The following SH3BP1 variants were observed in gnomAD, a reference collection of about 807,000 sequenced individuals.
The protein encoded by SH3BP1 is SH3 domain binding protein 1.
SH3BP1 carries 46 observed loss-of-function variants against 69.8 expected under a neutral mutation model. The observed-to-expected ratio is 0.66, with a 90% CI of 0.52 to 0.84. The LOEUF (loss-of-function observed/expected upper bound fraction) is 0.84. SH3BP1 is among the 40% of genes least tolerant of loss of function. SH3BP1 has a pLI of 0.00. For synonymous variants in SH3BP1, 403 were observed against 378.0 expected (o/e 1.07, Z -0.77); for missense variants, 868 against 930.9 (o/e 0.93, Z 0.88).
In SH3BP1 at chr22:37,655,993, C is replaced by T. The variant is rs1049035707; in HGVS notation, c.*309C>T. Reference sequence around the variant, plus strand: ...CCTACGGGACTGATTCTTCTCTTGCCGACATGTTTTTTGTAAGGCTGGTAA... The same window carrying T: ...CCTACGGGACTGATTCTTCTCTTGCTGACATGTTTTTTGTAAGGCTGGTAA... On this transcript the variant is annotated 3_prime_UTR_variant, in exon 18 of 18. Coordinates refer to ENST00000649765, the MANE Select transcript of SH3BP1 (RefSeq NM_018957.6). 5.2e-5 allele frequency: 78 copies of T among 1,487,398 alleles called. No individual in the cohort carries two copies. The highest frequency in any genetic ancestry group is 6.5e-5 in the Non-Finnish European group (72 of 1,109,702). The allele number at this position is 1,487,398 out of a possible 1,614,324, so 92.1% of individuals were successfully genotyped here.
At chr22:37,645,248 T>G in intron 9 of SH3BP1, 117 bp from the exon 10 acceptor site, 1 of 1,288,000 alleles carries the variant, frequency 7.8e-7, no homozygotes, top group Non-Finnish European at 1.1e-6. Context: ...ATTTCAGATG[T>G]GTGCCTGGAC....
rs758262077 is a variant in SH3BP1 at position 37,647,456 on chromosome 22, G to C, written c.1134G>C (p.Gly378=). The C allele has an allele frequency of 6.2e-7, 1 of 1,611,608 alleles. No homozygotes were observed. Among genetic ancestry groups the C allele is most frequent in the Non-Finnish European group, 8.5e-7 (1 of 1,179,550 alleles). The part of the protein sequence containing the change: ...WMRAASLKEP[G]ARLQALQEVC... ...TCCCCCCCAGCCTGAAGGAGCCAGG[G>C]GCCCGGCTGCAGGCCCTCCAAGAGG... The change falls in exon 13 of 18, where the codon GGG becomes GGC. Residue 378 remains glycine (G), a synonymous_variant. Coordinates refer to ENST00000649765, the MANE Select transcript of SH3BP1 (RefSeq NM_018957.6).
chr22:37,639,890 C>T lies in SH3BP1; in HGVS notation c.59+44C>T, dbSNP rs746062600. 3.7e-6 allele frequency: 5 copies of T among 1,339,482 alleles called. No individual in the cohort carries two copies. In the Admixed American group the frequency reaches 1.1e-4, roughly 30 times the overall value. 83.0% of individuals were successfully genotyped at this position (1,339,482 alleles called of 1,614,324 possible). On this transcript the variant is annotated intron_variant, in intron 1 of 17. Coordinates refer to ENST00000649765, the MANE Select transcript of SH3BP1 (RefSeq NM_018957.6). Reference sequence around the variant, plus strand: ...CAGCCCCACTCTTACCCCGGCAGGACTTGAGGGGTCGTAAAAGGGTCGGGG... The same window carrying T: ...CAGCCCCACTCTTACCCCGGCAGGATTTGAGGGGTCGTAAAAGGGTCGGGG...
At chr22:37,654,629 G>A (rs1932966285) in intron 17 of SH3BP1, among the ~76,000 whole-genome samples, 1 of 152,036 alleles carries the variant, frequency 6.6e-6, no homozygotes, top group Admixed American at 6.6e-5. Context: ...GCAGGGGTGG[G>A]AAGAAACCAG....
Position 37,646,906 on chromosome 22 carries a change from G to A in SH3BP1, c.1013G>A (p.Cys338Tyr), listed in dbSNP as rs1315146100. Residue 338 changes from cysteine to tyrosine, a missense_variant, in exon 11 of 18, where the codon TGC (cysteine) becomes TAC (tyrosine). Cys to Tyr is a radical substitution (Grantham distance 194). Around this residue, in one of 3 missense-constraint regions of SH3BP1, gnomAD observed 387 missense variants for 447.9 expected, o/e 0.86. Coordinates refer to ENST00000649765, the MANE Select transcript of SH3BP1 (RefSeq NM_018957.6). ...ASDPHSLEEF[C>Y]SDPHAVAGAL... ...GACCCCCACAGCCTGGAGGAGTTCT[G>A]CTCCGACCCGCACGCTGTGGCAGGT... is the stretch of plus-strand genomic sequence containing the variant. The A allele has an allele frequency of 1.3e-6, 2 of 1,558,716 alleles. No individual in the cohort carries two copies. Among genetic ancestry groups the A allele is most frequent in the African/African-American group, 2.7e-5 (2 of 74,266 alleles).
intron 1 of SH3BP1, 28 bp from the exon 2 acceptor site, chr22:37,641,098 T>TCCCCCCCC (rs751968178): frequency 9.5e-6 from 9 of 947,984 alleles, no homozygotes; most frequent in African/African-American, 6.3e-5. Context: ...AGAAGCACTC[T>TCCCCCCCC]CCCCCCCCCC....
intron 10 of SH3BP1, 54 bp from the exon 11 acceptor site, chr22:37,646,764 T>C (rs1932791624): frequency 1.8e-6 from 2 of 1,125,358 alleles, no homozygotes; most frequent in Middle Eastern, 2.0e-4. Flanking sequence ...TGCGCCAGGG[T>C]GTCCTGCCCT....
chr22:37,643,714 A>G lies in SH3BP1; in HGVS notation c.544A>G (p.Thr182Ala). 6.2e-7 allele frequency: 1 copy of G among 1,614,094 alleles called. No individual in the cohort carries two copies. Among genetic ancestry groups the G allele is most frequent in the Non-Finnish European group, 8.5e-7 (1 of 1,180,030 alleles). Residue 182 changes from threonine (T) to alanine (A), a missense_variant, in exon 7 of 18, where the codon ACG becomes GCG. Physicochemically the swap from Thr to Ala is moderately conservative, Grantham distance 58 (BLOSUM62 0). Transcript: ENST00000649765. The part of the protein sequence containing the change: ...LGGSPGSHSH[T>A]TMANKVETLK... ...AGGCAGCCCGGGTAGTCACAGCCAT[A>G]CGACCATGGCCAACAAGGTGGAGAC...
intron 16 of SH3BP1, among the ~76,000 whole-genome samples, chr22:37,652,229 G>C (rs538211818): frequency 6.6e-6 from 1 of 151,316 alleles, no homozygotes; most frequent in East Asian, 2.0e-4. Flanking sequence ...AGAATGGTGT[G>C]AACCCAGGAG....
rs1299784026 is a variant in SH3BP1, at chr22:37,642,589, G to C, written c.258G>C (p.Lys86Asn). 1 of 1,613,294 alleles carries C rather than the reference G, an allele frequency of 6.2e-7. No homozygotes were observed. The highest frequency in any genetic ancestry group is 8.5e-7 in the Non-Finnish European group (1 of 1,180,014). Residue 86 changes from lysine to asparagine, a missense_variant, in exon 4 of 18, where the codon AAG becomes AAC. Physicochemically the swap from Lys to Asn is moderately conservative, Grantham distance 94. This residue lies in a region of SH3BP1 where 387 missense variants were observed against 447.9 expected (regional missense o/e 0.86). Transcript: ENST00000649765. The stretch of plus-strand genomic sequence containing the variant: ...CCACCACGATGGCTGAGAGCTTCAA[G>C]GAGCTGGACCCTGATTCCAGCATGG... ...ALSTTMAESFKELDPDSSMGK... is the reference protein window; with the variant it reads ...ALSTTMAESFNELDPDSSMGK...
chr22:37,651,669 G>A (rs1031923813), intron 16 of SH3BP1, among the ~76,000 whole-genome samples: 7 of 151,992 alleles, frequency 4.6e-5, no homozygotes, highest in Non-Finnish European at 8.8e-5. Context: ...GAAGGGCTTC[G>A]TGGTACCGTG....
chr22:37,642,251 GC>G, intron 3 of SH3BP1: 1 of 444,744 alleles, frequency 2.2e-6, no homozygotes, highest in Admixed American at 3.4e-5. Flanking sequence ...CAAGCTCCCT[GC>G]CCTCCCTGCA....
intron 13 of SH3BP1, 55 bp downstream of exon 13, chr22:37,647,576 CA>C (rs1156866971): frequency 2.1e-6 from 3 of 1,436,706 alleles, no homozygotes; most frequent in Non-Finnish European, 2.8e-6. Flanking sequence ...CAGCTGAGGT[CA>C]CGGACCCTGG....
At chr22:37,646,581 T>C (rs1932788823) in intron 10 of SH3BP1, among the ~76,000 whole-genome samples, 2 of 152,112 alleles carry the variant, frequency 1.3e-5, no homozygotes, top group African/African-American at 4.8e-5. Context: ...TGACTGGGCT[T>C]CCATTTCCCC....
intron 16 of SH3BP1, among the ~76,000 whole-genome samples, chr22:37,652,309 CAAA>C (rs138706015): frequency 4.3e-5 from 3 of 69,128 alleles, no homozygotes; most frequent in Non-Finnish European, 3.3e-5. Flanking sequence ...GACTCCGTCT[CAAA>C]AAAAAAAAAA....
chr22:37,648,398 C>T lies in SH3BP1; in HGVS notation c.1279C>T (p.Leu427=). ...GACACCCAGCAACATCGCCATAGTC[C>T]TGGGACCCAACTTGCTGTGGCCACC... ...KMTPSNIAIV[L]GPNLLWPPEK... is the part of the protein sequence containing the mutation. The change falls in exon 14 of 18, where the codon CTG becomes TTG. Residue 427 remains leucine, a synonymous_variant. Transcript: ENST00000649765. The T allele has an allele frequency of 6.4e-7, 1 of 1,568,600 alleles. No individual in the cohort carries two copies.
Position 37,644,725 on chromosome 22 carries a change from C to A in SH3BP1, c.687+20C>A. On this transcript the variant is annotated intron_variant, in intron 8 of 17. Transcript: ENST00000649765. The stretch of plus-strand genomic sequence containing the variant: ...ATTCGTGTGAGTCCAAGACCGGGCC[C>A]CAGCCATCCAGAGTTCAGGGGCTGA... The A allele has an allele frequency of 6.2e-7, 1 of 1,614,042 alleles. No individual in the cohort carries two copies. Among genetic ancestry groups the A allele is most frequent in the Non-Finnish European group, 8.5e-7 (1 of 1,179,860 alleles).
chr22:37,643,085 T>C lies in SH3BP1; in HGVS notation c.397-13T>C. ...CTCCCCCAGCACACTGACCCCCCCA[T>C]GCCCATCCCCAGGAGGAGCTGCCAG... On this transcript the variant is annotated splice_polypyrimidine_tract_variant and intron_variant, in intron 5 of 17. Transcript: ENST00000649765. 1 of 1,604,666 alleles carries C rather than the reference T, an allele frequency of 6.2e-7. No individual in the cohort carries two copies. Among genetic ancestry groups the C allele is most frequent in the South Asian group, 1.1e-5 (1 of 90,486 alleles).
At chr22:37,645,317 G>C (rs1454206131) in intron 9 of SH3BP1, 48 bp from the exon 10 acceptor site, 12 of 1,570,064 alleles carry the variant, frequency 7.6e-6, no homozygotes, top group Non-Finnish European at 7.0e-6. Context: ...CTGCCTGACT[G>C]CTCGGGGTGG....
Sources: allele counts gnomAD v4.1 joint callset (sites outside exome capture counted in the v4.1 genomes callset), GRCh38; gene constraint gnomAD v4.1.1; regional missense constraint gnomAD v4.1.1; transcripts MANE v1.5; gene names NCBI Gene and HGNC (gene_info 2026-07-23, HGNC 2026-07-21).